DNAJC1: variants seen among roughly 807,000 people sequenced by gnomAD.
The protein encoded by DNAJC1 is dnaJ homolog subfamily C member 1.
DNAJC1 carries 58 observed loss-of-function variants against 76.6 expected under a neutral mutation model. The observed-to-expected ratio is 0.76, with a 90% CI of 0.61 to 0.94. DNAJC1 has a LOEUF of 0.94. Among genes scored for constraint, DNAJC1 ranks in the 40% least tolerant of loss-of-function variants. The pLI, the probability that DNAJC1 is intolerant of heterozygous loss-of-function variation, is 0.00. For missense variants in DNAJC1, 689 were observed against 677.3 expected (o/e 1.02, Z -0.19); for synonymous variants, 258 against 267.9 (o/e 0.96, Z 0.36).
chr10:21,809,496 G>A lies in DNAJC1; in HGVS notation c.979-3397C>T, dbSNP rs138844421. Among the ~76,000 whole-genome samples, 22 of 151,018 alleles carry A rather than the reference G, an allele frequency of 1.5e-4. No individual in the cohort carries two copies. In the East Asian group the frequency reaches 3.3e-3, roughly 23 times the overall value. On this transcript the variant is annotated intron_variant, in intron 8 of 11. Coordinates refer to ENST00000376980, the MANE Select transcript of DNAJC1 (RefSeq NM_022365.4). ...TCCAAGAAAATAACATTCTTACATCGCATTGCCCAGTTAATATATAACACA... is the reference window on the plus strand; with the variant it reads ...TCCAAGAAAATAACATTCTTACATCACATTGCCCAGTTAATATATAACACA...
At chr10:21,929,758 C>G (rs1428148825) in intron 1 of DNAJC1, among the ~76,000 whole-genome samples, 1 of 152,078 alleles carries the variant, frequency 6.6e-6, no homozygotes, top group Non-Finnish European at 1.5e-5. Context: ...GTTGGCCAGC[C>G]TCCTCAGTCT....
chr10:21,829,326 G>A (rs1357123267), intron 8 of DNAJC1, among the ~76,000 whole-genome samples: 1 of 151,974 alleles, frequency 6.6e-6, no homozygotes, highest in Non-Finnish European at 1.5e-5. Context: ...CCATTCTCCT[G>A]CCTCAGCCTC....
chr10:21,953,613 T>C (rs1837633119), intron 1 of DNAJC1, among the ~76,000 whole-genome samples: 1 of 151,678 alleles, frequency 6.6e-6, no homozygotes, highest in Non-Finnish European at 1.5e-5. Context: ...TAGAAAGTAC[T>C]GAAGCTCCAT....
At chr10:21,934,397 C>T (rs756496450) in intron 1 of DNAJC1, among the ~76,000 whole-genome samples, 1 of 151,946 alleles carries the variant, frequency 6.6e-6, no homozygotes, top group Non-Finnish European at 1.5e-5. Context: ...TTGAAGAGAT[C>T]ACATATTTTT....
chr10:21,982,668 A>G (rs916959888), intron 1 of DNAJC1, among the ~76,000 whole-genome samples: 4 of 152,062 alleles, frequency 2.6e-5, no homozygotes, highest in African/African-American at 9.7e-5. Context: ...GGGAAATGCA[A>G]ATCAAAACCA....
At chr10:21,828,198 G>A (rs952760657) in intron 8 of DNAJC1, among the ~76,000 whole-genome samples, 1 of 152,172 alleles carries the variant, frequency 6.6e-6, no homozygotes, top group African/African-American at 2.4e-5. Flanking sequence ...TTTATCATAT[G>A]AGATGGCTGA....
chr10:21,945,041 T>G (rs1837483051), intron 1 of DNAJC1, among the ~76,000 whole-genome samples: 1 of 152,198 alleles, frequency 6.6e-6, no homozygotes, highest in African/African-American at 2.4e-5. Flanking sequence ...AAGTAGTAGT[T>G]TGTATTAGAC....
rs533081733 is a variant in DNAJC1 at position 21,829,306 on chromosome 10, C to T, written c.979-23207G>A. On this transcript the variant is annotated intron_variant, in intron 8 of 11. Transcript: ENST00000376980. ...CTTGGCTCACTGCAGCTCCGCCTCC[C>T]GGGTTCACACCATTCTCCTGCCTCA... 1.1e-4 allele frequency among the ~76,000 whole-genome samples: 17 copies of T among 152,194 alleles called. No homozygotes were observed. The East Asian group carries it at 1.4e-3, about 12-fold the overall frequency.
chr10:21,883,772 T>C lies in DNAJC1; in HGVS notation c.821-1333A>G, dbSNP rs1186011692. 7.2e-5 allele frequency among the ~76,000 whole-genome samples: 11 copies of C among 152,160 alleles called. No homozygotes were observed. In the East Asian group the frequency reaches 2.1e-3, roughly 29 times the overall value. On this transcript the variant is annotated intron_variant, in intron 7 of 11. Coordinates refer to ENST00000376980, the MANE Select transcript of DNAJC1 (RefSeq NM_022365.4). ...TGTTACCCAGCATTATGAGGGAGTA[T>C]CCTACCGCATATTGCTAGTCCAGGA... is the stretch of plus-strand genomic sequence containing the variant.
At chr10:21,791,524 G>A (rs1174491292) in intron 9 of DNAJC1, among the ~76,000 whole-genome samples, 2 of 152,098 alleles carry the variant, frequency 1.3e-5, no homozygotes. Context: ...TTTTTAAAAA[G>A]TAGAAATCAT....
intron 8 of DNAJC1, among the ~76,000 whole-genome samples, chr10:21,858,583 A>G (rs951133012): frequency 6.6e-6 from 1 of 152,218 alleles, no homozygotes; most frequent in African/African-American, 2.4e-5. Flanking sequence ...CTTCCAACCC[A>G]ATACTAACCA....
intron 3 of DNAJC1, among the ~76,000 whole-genome samples, chr10:21,922,870 G>A (rs901138001): frequency 1.3e-5 from 2 of 151,864 alleles, no homozygotes; most frequent in Non-Finnish European, 2.9e-5. Flanking sequence ...AAAAAGTATA[G>A]TTATTGATAA....
At chr10:21,947,109 G>A (rs1222577119) in intron 1 of DNAJC1, among the ~76,000 whole-genome samples, 1 of 152,116 alleles carries the variant, frequency 6.6e-6, no homozygotes, top group Admixed American at 6.5e-5. Flanking sequence ...GTGGTATTCT[G>A]TCATAGTAAA....
intron 8 of DNAJC1, among the ~76,000 whole-genome samples, chr10:21,856,708 TA>T (rs1222899256): frequency 2.0e-5 from 3 of 151,998 alleles, no homozygotes; most frequent in Non-Finnish European, 4.4e-5. Context: ...AACTACCCTT[TA>T]AAAAAATCAC....
intron 9 of DNAJC1, 137 bp from the exon 10 acceptor site, chr10:21,766,446 C>A: frequency 3.0e-6 from 2 of 670,008 alleles, no homozygotes; most frequent in Non-Finnish European, 2.6e-6. Flanking sequence ...AGTCGTCTGT[C>A]GCATCCATTA....
chr10:21,984,656 T>C (rs1467654156), intron 1 of DNAJC1, among the ~76,000 whole-genome samples: 1 of 152,194 alleles, frequency 6.6e-6, no homozygotes, highest in Non-Finnish European at 1.5e-5. Context: ...CCATATATAT[T>C]TAAAATCATT....
At chr10:21,821,996 T>A (rs1416753178) in intron 8 of DNAJC1, among the ~76,000 whole-genome samples, 1 of 152,158 alleles carries the variant, frequency 6.6e-6, no homozygotes, top group Non-Finnish European at 1.5e-5. Context: ...TTATCAAAGG[T>A]CATATTATTC....
intron 1 of DNAJC1, among the ~76,000 whole-genome samples, chr10:21,998,307 G>A (rs905124331): frequency 6.1e-5 from 9 of 148,442 alleles, no homozygotes; most frequent in African/African-American, 1.7e-4. Flanking sequence ...GGAGAATCGC[G>A]TGAACCCAGG....
chr10:21,952,513 T>C (rs574521797), intron 1 of DNAJC1, among the ~76,000 whole-genome samples: 4 of 152,252 alleles, frequency 2.6e-5, no homozygotes, highest in African/African-American at 9.6e-5. Flanking sequence ...ATCCCAACAC[T>C]TTGGGAAGCA....
Sources: gnomAD v4.1 joint callset for allele counts (sites outside exome capture counted in the v4.1 genomes callset) on GRCh38, gnomAD v4.1.1 for gene constraint, MANE v1.5 for transcripts, NCBI Gene and HGNC (gene_info 2026-07-23, HGNC 2026-07-21) for gene names.